The following AHCTF1 variants were observed in gnomAD, a reference collection of about 807,000 sequenced individuals.
The protein encoded by AHCTF1 is protein ELYS.
In AHCTF1, 24 loss-of-function variants were observed where a neutral mutation model predicts 248.4. The ratio of observed to expected loss-of-function variants is 0.10; its 90% confidence interval spans 0.07 to 0.14. The LOEUF is 0.14. Among genes scored for constraint, AHCTF1 ranks in the 10% least tolerant of loss-of-function variants. The pLI is 1.00. For missense variants in AHCTF1, 2,206 were observed against 2,636.2 expected, an observed-to-expected ratio of 0.84 and a Z score of 3.57; for synonymous variants, 786 against 929.8, an observed-to-expected ratio of 0.85 and a Z score of 2.81.
At chr1:246,857,560 A>AG (rs1299443994) in intron 30 of AHCTF1, 131 bp downstream of exon 30, 1 of 990,630 alleles carries the variant, frequency 1.0e-6, no homozygotes, top group Non-Finnish European at 1.4e-6. Context: ...CTTTTAAAAC[A>AG]GCCAACATTA....
chr1:246,928,504 C>G (rs774762218), intron 1 of AHCTF1, among the ~76,000 whole-genome samples: 1 of 152,012 alleles, frequency 6.6e-6, no homozygotes, highest in Non-Finnish European at 1.5e-5. Flanking sequence ...CTAGCAGAGA[C>G]AAGAAATAGG....
At chr1:246,882,768 C>T (rs1553295961) in intron 21 of AHCTF1, among the ~76,000 whole-genome samples, 1 of 152,152 alleles carries the variant, frequency 6.6e-6, no homozygotes, top group Non-Finnish European at 1.5e-5. Flanking sequence ...CTGTACGGTG[C>T]ATCATGGTTA....
intron 31 of AHCTF1, among the ~76,000 whole-genome samples, chr1:246,853,681 A>C (rs751938802): frequency 2.0e-5 from 3 of 149,506 alleles, no homozygotes; most frequent in Non-Finnish European, 4.4e-5. Context: ...CTGGGCTTTG[A>C]TACAACTAGG....
chr1:246,841,188 T>C (rs1400292354), intron 35 of AHCTF1, among the ~76,000 whole-genome samples, 190 bp from the exon 36 acceptor site: 1 of 152,200 alleles, frequency 6.6e-6, no homozygotes, highest in African/African-American at 2.4e-5. Context: ...AGTTCAGGTT[T>C]CATTAAGGGG....
chr1:246,840,132 C>T lies in AHCTF1; in HGVS notation c.*674G>A, dbSNP rs1659753162. 6.6e-6 allele frequency: 1 copy of T among 152,594 alleles called. No homozygotes were observed. The highest frequency in any genetic ancestry group is 6.5e-5 in the Admixed American group (1 of 15,284). The allele number at this position is 152,594 out of a possible 1,614,324, so 9.5% of individuals were successfully genotyped here. ...GGTTGCAAGTGAGCAGTGAACCGGT[C>T]AATCTAACCTGGATTAGTCTTTGAC... is the stretch of plus-strand genomic sequence containing the variant. On this transcript the variant is annotated 3_prime_UTR_variant, in exon 36 of 36. Coordinates refer to ENST00000648844, the MANE Select transcript of AHCTF1 (RefSeq NM_001323342.2).
At chr1:246,890,169 C>G (rs1166878515) in intron 16 of AHCTF1, 110 bp from the exon 17 acceptor site, 1 of 724,156 alleles carries the variant, frequency 1.4e-6, no homozygotes, top group African/African-American at 1.8e-5. Context: ...CTGGTTAACC[C>G]ACAGGGTGGG....
chr1:246,857,542 C>T, intron 30 of AHCTF1, 149 bp downstream of exon 30: 3 of 860,864 alleles, frequency 3.5e-6, no homozygotes, highest in South Asian at 2.1e-5. Context: ...AACTGCACAA[C>T]TAAACTTCTT....
intron 24 of AHCTF1, among the ~76,000 whole-genome samples, chr1:246,872,406 G>T (rs10924862): frequency 0.2 from 30,683 of 152,026 alleles, 3,357 homozygotes; most frequent in Admixed American, 0.24. Context: ...AAATAAAAGG[G>T]ATACACCCTT....
At chr1:246,885,726 A>G in intron 20 of AHCTF1, 46 bp from the exon 21 acceptor site, 2 of 1,510,508 alleles carry the variant, frequency 1.3e-6, no homozygotes, top group Non-Finnish European at 1.8e-6. Flanking sequence ...AATCCTATAC[A>G]TTTAGACAAA....
chr1:246,842,812 A>G, intron 34 of AHCTF1, 36 bp from the exon 35 acceptor site: 1 of 1,552,692 alleles, frequency 6.4e-7, no homozygotes, highest in South Asian at 1.1e-5. Context: ...TAAGTATTAA[A>G]CACGAATCCA....
At position 246,899,390 on chromosome 1, in the gene AHCTF1, A is replaced by C. The variant is rs1245835697; in HGVS notation, c.1494+61T>G. The C allele has an allele frequency of 3.9e-5, 53 of 1,360,196 alleles. 2 individuals carry two copies. The South Asian group carries it at 6.7e-4, about 17-fold the overall frequency. 84.3% of individuals were successfully genotyped at this position (1,360,196 alleles called of 1,614,324 possible). On this transcript the variant is annotated intron_variant, in intron 11 of 35. Coordinates refer to ENST00000648844, the MANE Select transcript of AHCTF1 (RefSeq NM_001323342.2). Reference sequence around the variant, plus strand: ...TCACTAAGTAAAACTTAAATCCATAAATCAACTATATTCTAAGATCTGACT... The same window carrying C: ...TCACTAAGTAAAACTTAAATCCATACATCAACTATATTCTAAGATCTGACT...
chr1:246,922,902 G>A lies in AHCTF1; in HGVS notation c.-7-4525C>T, dbSNP rs1666659558. On this transcript the variant is annotated intron_variant, in intron 1 of 35. Transcript: ENST00000648844. ...GGAGGCTGAGGCAGGAGAATGGCAT[G>A]AACCCAGGAGGCGGAGTTTGCAGTG... 2.1e-5 allele frequency among the ~76,000 whole-genome samples: 3 copies of A among 145,768 alleles called. No individual in the cohort carries two copies. The South Asian group carries it at 6.4e-4, about 31-fold the overall frequency.
In AHCTF1 at chr1:246,900,379, T is replaced by C. The variant is rs1200051506; in HGVS notation, c.1208A>G (p.Asp403Gly). The C allele has an allele frequency of 6.3e-7, 1 of 1,594,934 alleles. No homozygotes were observed. Among genetic ancestry groups the C allele is most frequent in the Admixed American group, 1.9e-5 (1 of 53,152 alleles). The change falls in exon 9 of 36, where the codon GAT (aspartate) becomes GGT (glycine). Residue 403 changes from aspartate to glycine, a missense_variant. Asp to Gly is a moderately conservative substitution (Grantham distance 94). This residue lies in a region of AHCTF1 where 650 missense variants were observed against 870.8 expected (regional missense o/e 0.75). Coordinates refer to ENST00000648844, the MANE Select transcript of AHCTF1 (RefSeq NM_001323342.2). ...TTGTGCATGATACCAACGATTTATA[T>C]CAAAAAGCCCCAAATATACAGAAGG... is the stretch of plus-strand genomic sequence containing the variant. Reference protein sequence around the residue: ...GKPSVYLGLFDINRWYHAQMP... With the variant: ...GKPSVYLGLFGINRWYHAQMP...
At chr1:246,928,117 C>T (rs1383257648) in intron 1 of AHCTF1, among the ~76,000 whole-genome samples, 7 of 151,742 alleles carry the variant, frequency 4.6e-5, no homozygotes, top group African/African-American at 7.3e-5. Flanking sequence ...CTGGCTAACA[C>T]GGTGAAACCC....
chr1:246,881,897 G>T (rs543988551), intron 21 of AHCTF1, among the ~76,000 whole-genome samples: 1 of 149,940 alleles, frequency 6.7e-6, no homozygotes. Flanking sequence ...TACGTTGCCC[G>T]GCCTGATCCT....
intron 26 of AHCTF1, 101 bp downstream of exon 26, chr1:246,867,143 T>C: frequency 1.6e-6 from 1 of 640,044 alleles, no homozygotes; most frequent in Non-Finnish European, 2.5e-6. Context: ...AATATTCATT[T>C]AATAATTTAA....
At chr1:246,854,959 G>C (rs754342974) in intron 31 of AHCTF1, among the ~76,000 whole-genome samples, 32 of 75,250 alleles carry the variant, frequency 4.3e-4, no homozygotes, top group African/African-American at 7.7e-4. Flanking sequence ...TGGGTGATCG[G>C]CTTTTTACAT....
At chr1:246,842,636 G>A (rs1036638782) in intron 35 of AHCTF1, 58 bp downstream of exon 35, 38 of 1,396,668 alleles carry the variant, frequency 2.7e-5, no homozygotes, top group African/African-American at 1.1e-4. Flanking sequence ...GTAGGGTGGG[G>A]ACAGAGCGAG....
rs763942410 is a variant in AHCTF1 at position 246,876,115 on chromosome 1, G to A, written c.3010C>T (p.Leu1004Phe). ...GCTAATTTTCGATGGACTCTAGGAA[G>A]GATTTTTCCATACTGGTCTAATATA... is the stretch of plus-strand genomic sequence containing the variant. ...NSILDQYGKI[L>F]PRVHRKLAIE... is the part of the protein sequence containing the mutation. The change falls in exon 24 of 36, where the codon CTT (leucine) becomes TTT (phenylalanine). Residue 1004 changes from leucine to phenylalanine, a missense_variant. Around this residue, in one of 6 missense-constraint regions of AHCTF1, gnomAD observed 955 missense variants for 1,055.6 expected, o/e 0.90. Coordinates refer to ENST00000648844, the MANE Select transcript of AHCTF1 (RefSeq NM_001323342.2). 6.2e-6 allele frequency: 10 copies of A among 1,609,252 alleles called. No individual in the cohort carries two copies. Among genetic ancestry groups the A allele is most frequent in the Non-Finnish European group, 8.5e-7 (1 of 1,178,264 alleles).
Sources: allele counts gnomAD v4.1 joint callset (sites outside exome capture counted in the v4.1 genomes callset), GRCh38; gene constraint gnomAD v4.1.1; regional missense constraint gnomAD v4.1.1; transcripts MANE v1.5; gene names NCBI Gene and HGNC (gene_info 2026-07-23, HGNC 2026-07-21).